Variants in COL19A1 observed in about 807,000 individuals in gnomAD.
COL19A1 encodes the protein collagen type XIX alpha 1 chain, also known as collagen alpha-1(XIX) chain.
COL19A1 carries 159 observed loss-of-function variants against 190.2 expected under a neutral mutation model. The ratio of observed to expected loss-of-function variants is 0.84; its 90% CI spans 0.73 to 0.95. COL19A1 has a LOEUF of 0.95. Among genes scored for constraint, COL19A1 ranks in the 40% least tolerant of loss-of-function variants. The pLI is 0.00. For synonymous variants in COL19A1, 509 were observed against 458.9 expected (o/e 1.11, Z -1.39); for missense variants, 1,418 against 1,431.9 (o/e 0.99, Z 0.16).
intron 2 of COL19A1, among the ~76,000 whole-genome samples, chr6:69,895,474 A>G (rs1013395788): frequency 1.5e-4 from 23 of 152,218 alleles, no homozygotes; most frequent in Non-Finnish European, 2.8e-4. Context: ...CTTGCAGACA[A>G]TTTGAATGGT....
chr6:69,959,622 A>G (rs891125163), intron 9 of COL19A1, among the ~76,000 whole-genome samples: 1 of 152,172 alleles, frequency 6.6e-6, no homozygotes, highest in Non-Finnish European at 1.5e-5. Context: ...TGCCTGGCCC[A>G]TAGAAAGCAC....
At chr6:70,181,656 A>AACACACACACAC (rs56362588) in intron 44 of COL19A1, among the ~76,000 whole-genome samples, 9 of 147,928 alleles carry the variant, frequency 6.1e-5, no homozygotes, top group South Asian at 2.2e-4. Flanking sequence ...AGATAAAAAC[A>AACACACACACAC]ACACACACAC....
rs1768221379 is a variant in COL19A1, at chr6:70,211,780, G to C, written c.*4506G>C. ...AATGCTAGAGTAACTGATCAATTTGGTTAAATTGAATGAAGAACCAAGTGA... is the reference window on the plus strand; with the variant it reads ...AATGCTAGAGTAACTGATCAATTTGCTTAAATTGAATGAAGAACCAAGTGA... On this transcript the variant is annotated 3_prime_UTR_variant, in exon 51 of 51. Coordinates refer to ENST00000620364, the MANE Select transcript of COL19A1 (RefSeq NM_001858.6). 6.6e-6 allele frequency among the ~76,000 whole-genome samples: 1 copy of C among 151,740 alleles called. No homozygotes were observed. The highest frequency in any genetic ancestry group is 2.1e-4 in the South Asian group (1 of 4,798).
At position 70,068,416 on chromosome 6, in the gene COL19A1, C is replaced by T. The variant is rs766500693; in HGVS notation, c.1171-7C>T. 2 of 1,577,220 alleles carry T rather than the reference C, an allele frequency of 1.3e-6. No homozygotes were observed. Among genetic ancestry groups the T allele is most frequent in the South Asian group, 1.1e-5 (1 of 90,280 alleles). ...GTGTATTAACATGTGTCTCTTTTTCCTCATAGGGTTCCCTGGGGATACAAG... is the reference window on the plus strand; with the variant it reads ...GTGTATTAACATGTGTCTCTTTTTCTTCATAGGGTTCCCTGGGGATACAAG... On this transcript the variant is annotated splice_region_variant and splice_polypyrimidine_tract_variant and intron_variant, in intron 14 of 50. Transcript: ENST00000620364.
At chr6:70,103,257 C>T (rs1347552469) in intron 16 of COL19A1, among the ~76,000 whole-genome samples, 1 of 152,098 alleles carries the variant, frequency 6.6e-6, no homozygotes, top group African/African-American at 2.4e-5. Flanking sequence ...TCCCAGTAGC[C>T]CACAAATCCT....
chr6:69,974,585 G>A (rs1246318255), intron 11 of COL19A1, among the ~76,000 whole-genome samples: 1 of 152,108 alleles, frequency 6.6e-6, no homozygotes, highest in Admixed American at 6.5e-5. Flanking sequence ...TATCTAAATT[G>A]ACTTTATTCC....
At chr6:70,140,365 G>A (rs72916754) in intron 19 of COL19A1, among the ~76,000 whole-genome samples, 1,947 of 151,796 alleles carry the variant, frequency 0.013, 16 homozygotes, top group East Asian at 0.039. Flanking sequence ...TTTTATTGCT[G>A]TATTATTTTT....
At position 69,921,574 on chromosome 6, in the gene COL19A1, A is replaced by G. The variant is rs556455115; in HGVS notation, c.267-6335A>G. On this transcript the variant is annotated intron_variant, in intron 4 of 50. Transcript: ENST00000620364. Reference sequence around the variant, plus strand: ...TTCATATATATATTCGTATATATTCATATATATTCGCACATAGATTCGTAT... The same window carrying G: ...TTCATATATATATTCGTATATATTCGTATATATTCGCACATAGATTCGTAT... Among the ~76,000 whole-genome samples, 1,381 of 144,790 alleles carry G rather than the reference A, an allele frequency of 9.5e-3. 32 individuals are homozygous for G. The highest frequency in any genetic ancestry group is 0.033 in the African/African-American group (1,289 of 39,488). 95.0% of individuals were successfully genotyped at this position (144,790 alleles called of 152,430 possible).
chr6:70,191,883 C>A (rs550747470), intron 48 of COL19A1, among the ~76,000 whole-genome samples: 2 of 152,236 alleles, frequency 1.3e-5, no homozygotes, highest in South Asian at 4.2e-4. Flanking sequence ...GGACTCAGGT[C>A]TTCTCCAAGG....
At chr6:69,920,902 A>ATATATTCATCTATATATTCATATG (rs1771659481) in intron 4 of COL19A1, among the ~76,000 whole-genome samples, 1 of 138,350 alleles carries the variant, frequency 7.2e-6, no homozygotes, top group Admixed American at 7.7e-5. Flanking sequence ...AGTCATATAT[A>ATATATTCATCTATATATTCATATG]TATATTCATC....
chr6:69,991,873 G>GT (rs917398136), intron 11 of COL19A1, among the ~76,000 whole-genome samples: 1 of 151,288 alleles, frequency 6.6e-6, no homozygotes, highest in African/African-American at 2.4e-5. Context: ...TTTTTTGTTT[G>GT]TTTTTTGCTG....
intron 1 of COL19A1, among the ~76,000 whole-genome samples, chr6:69,868,313 T>C (rs1045997366): frequency 2.6e-5 from 4 of 151,974 alleles, no homozygotes; most frequent in African/African-American, 4.8e-5. Flanking sequence ...AGATCTTTGA[T>C]ATGGGCCTGC....
chr6:69,885,899 A>G (rs1468594777), intron 2 of COL19A1, among the ~76,000 whole-genome samples: 1 of 152,216 alleles, frequency 6.6e-6, no homozygotes, highest in Non-Finnish European at 1.5e-5. Context: ...ATCATGGGGG[A>G]ATAGTTCCCC....
chr6:70,115,806 T>G (rs563099860), intron 16 of COL19A1, among the ~76,000 whole-genome samples: 2,478 of 141,268 alleles, frequency 0.018, 63 homozygotes, highest in African/African-American at 0.06. Context: ...GTTTTTTTTG[T>G]TTTGTTTTTT....
intron 48 of COL19A1, among the ~76,000 whole-genome samples, chr6:70,198,267 T>G (rs868013704): frequency 6.6e-6 from 1 of 152,180 alleles, no homozygotes; most frequent in African/African-American, 2.4e-5. Context: ...ACTAATTTCC[T>G]CAGTAAAAAA....
At chr6:70,083,912 T>C (rs1050522660) in intron 15 of COL19A1, among the ~76,000 whole-genome samples, 3 of 152,164 alleles carry the variant, frequency 2.0e-5, no homozygotes, top group Non-Finnish European at 4.4e-5. Context: ...AAACTGATTA[T>C]ATAAATAGAA....
chr6:70,162,440 G>A (rs1226533645), intron 35 of COL19A1, among the ~76,000 whole-genome samples: 3 of 152,088 alleles, frequency 2.0e-5, no homozygotes, highest in African/African-American at 7.2e-5. Flanking sequence ...AAGCCTTCGT[G>A]TCTTTCACTG....
Position 70,195,660 on chromosome 6 carries a change from C to T in COL19A1, c.3095-3948C>T, listed in dbSNP as rs181809132. Among the ~76,000 whole-genome samples, 444 of 152,326 alleles carry T rather than the reference C, an allele frequency of 2.9e-3. 2 individuals carry two copies. Among genetic ancestry groups the T allele is most frequent in the Non-Finnish European group, 5.0e-3 (340 of 68,026 alleles). ...AGCTGTATAGAGAAAGGAATTTCAA[C>T]AACTACTAAAACAGGCTTTCAATCA... On this transcript the variant is annotated intron_variant, in intron 48 of 50. Transcript: ENST00000620364.
chr6:69,869,007 T>G (rs1767655207), intron 1 of COL19A1, among the ~76,000 whole-genome samples: 1 of 148,746 alleles, frequency 6.7e-6, no homozygotes, highest in African/African-American at 2.5e-5. Flanking sequence ...GCTATAGATA[T>G]GCTAATATAT....
Sources: gnomAD v4.1 joint callset for allele counts (sites outside exome capture counted in the v4.1 genomes callset) on GRCh38, gnomAD v4.1.1 for gene constraint, MANE v1.5 for transcripts, NCBI Gene and HGNC (gene_info 2026-07-23, HGNC 2026-07-21) for gene names.